The following CSGALNACT1 variants were observed in gnomAD, a reference collection of about 807,000 sequenced individuals.
CSGALNACT1 encodes the protein chondroitin sulfate N-acetylgalactosaminyltransferase 1.
Under a neutral mutation model 51.0 loss-of-function variants are expected in CSGALNACT1, and 52 were observed. The observed-to-expected ratio is 1.02, with a 90% CI of 0.82 to 1.29. The LOEUF (loss-of-function observed/expected upper bound fraction) is 1.29. Ranked by LOEUF, CSGALNACT1 falls within the 50% of genes most tolerant of loss-of-function variation. CSGALNACT1 has a pLI of 0.00. For missense variants in CSGALNACT1, 935 were observed against 679.2 expected, an observed-to-expected ratio of 1.38 and a Z score of -4.19; for synonymous variants, 341 against 254.4, an observed-to-expected ratio of 1.34 and a Z score of -3.24.
At chr8:19,420,082 T>C (rs750728135) in intron 7 of CSGALNACT1, among the ~76,000 whole-genome samples, 1 of 152,236 alleles carries the variant, frequency 6.6e-6, no homozygotes, top group Non-Finnish European at 1.5e-5. Flanking sequence ...CCTTCTTCCA[T>C]GATTGTGAGG....
intron 1 of CSGALNACT1, among the ~76,000 whole-genome samples, chr8:19,646,302 C>A (rs1427613941): frequency 6.6e-6 from 1 of 152,184 alleles, no homozygotes; most frequent in East Asian, 1.9e-4. Flanking sequence ...AAAGCTCCAG[C>A]CATCCCCAGA....
At chr8:19,562,131 C>G (rs1349909397) in intron 3 of CSGALNACT1, among the ~76,000 whole-genome samples, 1 of 152,114 alleles carries the variant, frequency 6.6e-6, no homozygotes, top group Non-Finnish European at 1.5e-5. Flanking sequence ...TCCTGCCACC[C>G]CCACAGACCC....
intron 3 of CSGALNACT1, among the ~76,000 whole-genome samples, chr8:19,560,630 T>C (rs1191055832): frequency 6.6e-6 from 1 of 152,154 alleles, no homozygotes; most frequent in Admixed American, 6.6e-5. Context: ...GAATCAACCT[T>C]ACGAGCAAAC....
chr8:19,513,428 C>CTATATATATATATATA (rs1369189523), intron 3 of CSGALNACT1, among the ~76,000 whole-genome samples: 1 of 82,890 alleles, frequency 1.2e-5, no homozygotes, highest in Admixed American at 1.4e-4. Flanking sequence ...CTCTCTCTCT[C>CTATATATATATATATA]TCTCTCTCTA....
At chr8:19,733,828 T>A (rs2063820078) in intron 1 of CSGALNACT1, among the ~76,000 whole-genome samples, 1 of 152,062 alleles carries the variant, frequency 6.6e-6, no homozygotes, top group Non-Finnish European at 1.5e-5. Flanking sequence ...GTATTGTACA[T>A]GAAAGTAGCC....
At chr8:19,496,497 A>C (rs528443073) in intron 4 of CSGALNACT1, among the ~76,000 whole-genome samples, 1 of 152,094 alleles carries the variant, frequency 6.6e-6, no homozygotes, top group Non-Finnish European at 1.5e-5. Context: ...AAACTAATCA[A>C]TAGGTTTTAA....
At chr8:19,562,841 T>G (rs2041078483) in intron 3 of CSGALNACT1, among the ~76,000 whole-genome samples, 1 of 152,198 alleles carries the variant, frequency 6.6e-6, no homozygotes, top group African/African-American at 2.4e-5. Context: ...GAATGTAAAT[T>G]AGTTCAACCA....
intron 4 of CSGALNACT1, among the ~76,000 whole-genome samples, chr8:19,460,336 T>A (rs1341334694): frequency 6.6e-6 from 1 of 152,218 alleles, no homozygotes; most frequent in Non-Finnish European, 1.5e-5. Context: ...TCTCTTTTGT[T>A]ATTGGTTATT....
At chr8:19,472,210 G>C (rs553618367) in intron 4 of CSGALNACT1, among the ~76,000 whole-genome samples, 1 of 152,268 alleles carries the variant, frequency 6.6e-6, no homozygotes, top group Non-Finnish European at 1.5e-5. Context: ...CCATTATTAG[G>C]GCCAGTTTCC....
chr8:19,517,266 A>G (rs1210465193), intron 3 of CSGALNACT1, among the ~76,000 whole-genome samples: 2 of 151,898 alleles, frequency 1.3e-5, no homozygotes, highest in Non-Finnish European at 2.9e-5. Context: ...CATGGAGAAA[A>G]ACCATCTCTA....
chr8:19,438,258 A>G (rs10090309), intron 6 of CSGALNACT1, among the ~76,000 whole-genome samples: 21,356 of 151,894 alleles, frequency 0.14, 1,734 homozygotes, highest in Middle Eastern at 0.23. Flanking sequence ...CCACCTTCTG[A>G]TACAATTGTT....
chr8:19,745,339 A>G (rs1051765147), intron 1 of CSGALNACT1, among the ~76,000 whole-genome samples: 3 of 152,306 alleles, frequency 2.0e-5, no homozygotes, highest in African/African-American at 7.2e-5. Flanking sequence ...GGTACATACA[A>G]TCCCACTTTT....
At chr8:19,482,800 T>G (rs997724335) in intron 4 of CSGALNACT1, among the ~76,000 whole-genome samples, 1 of 152,186 alleles carries the variant, frequency 6.6e-6, no homozygotes, top group East Asian at 1.9e-4. Context: ...GCTCCAAATT[T>G]GATTTTTATT....
chr8:19,504,221 C>T (rs1227551576), intron 4 of CSGALNACT1, among the ~76,000 whole-genome samples: 2 of 152,090 alleles, frequency 1.3e-5, no homozygotes, highest in Non-Finnish European at 2.9e-5. Flanking sequence ...GGTCTACAGG[C>T]GCCCGCCACC....
intron 1 of CSGALNACT1, among the ~76,000 whole-genome samples, chr8:19,719,935 G>T (rs2063023998): frequency 6.6e-6 from 1 of 152,216 alleles, no homozygotes. Flanking sequence ...ACTAGTTAGG[G>T]TCTTCCAAGA....
At chr8:19,610,460 C>T (rs1215097745) in intron 1 of CSGALNACT1, among the ~76,000 whole-genome samples, 1 of 152,022 alleles carries the variant, frequency 6.6e-6, no homozygotes, top group Non-Finnish European at 1.5e-5. Flanking sequence ...CACAACCCAT[C>T]CTGTGCCTAT....
chr8:19,699,232 A>G (rs1259848804), intron 1 of CSGALNACT1, among the ~76,000 whole-genome samples: 2 of 152,002 alleles, frequency 1.3e-5, no homozygotes, highest in African/African-American at 2.4e-5. Context: ...TATTTTTTCA[A>G]ATATTTTCAG....
chr8:19,714,910 T>C (rs752392616), intron 1 of CSGALNACT1, among the ~76,000 whole-genome samples: 1 of 152,188 alleles, frequency 6.6e-6, no homozygotes, highest in Admixed American at 6.5e-5. Flanking sequence ...TTGATCCACA[T>C]CCTCCTTCCA....
intron 5 of CSGALNACT1, among the ~76,000 whole-genome samples, chr8:19,455,923 C>T (rs1409043047): frequency 6.6e-6 from 1 of 152,230 alleles, no homozygotes; most frequent in African/African-American, 2.4e-5. Flanking sequence ...GCTCTCAAAA[C>T]ATCCTCTCCA....
Sources: gnomAD v4.1 joint callset for allele counts (sites outside exome capture counted in the v4.1 genomes callset) on GRCh38, gnomAD v4.1.1 for gene constraint, MANE v1.5 for transcripts, NCBI Gene and HGNC (gene_info 2026-07-23, HGNC 2026-07-21) for gene names.